Variants in GRM1 observed in about 807,000 individuals in gnomAD.
GRM1 encodes the protein glutamate metabotropic receptor 1.
A neutral mutation model predicts 90.9 loss-of-function variants in GRM1; 33 were observed. That is an observed-to-expected ratio of 0.36 (90% CI 0.28 to 0.49). The LOEUF (loss-of-function observed/expected upper bound fraction) is 0.49. Among genes scored for constraint, GRM1 ranks in the 20% least tolerant of loss-of-function variants. GRM1 has a pLI of 0.99. For synonymous variants in GRM1, 700 were observed against 613.2 expected, an observed-to-expected ratio of 1.14 and a Z score of -2.09; for missense variants, 1,190 against 1,534.3, an observed-to-expected ratio of 0.78 and a Z score of 3.75.
At chr6:146,155,313 C>T (rs1260049369) in intron 1 of GRM1, among the ~76,000 whole-genome samples, 2 of 152,140 alleles carry the variant, frequency 1.3e-5, no homozygotes, top group Non-Finnish European at 2.9e-5. Context: ...CAAATACTTA[C>T]CACTGTCTTA....
At chr6:146,042,253 C>CA (rs1791140540) in intron 1 of GRM1, among the ~76,000 whole-genome samples, 1 of 151,932 alleles carries the variant, frequency 6.6e-6, no homozygotes, top group African/African-American at 2.4e-5. Context: ...AGTAGTGTGT[C>CA]AGTTTATAAA....
chr6:146,031,013 A>C (rs1309416981), intron 1 of GRM1, among the ~76,000 whole-genome samples: 1 of 152,194 alleles, frequency 6.6e-6, no homozygotes, highest in African/African-American at 2.4e-5. Context: ...CAGTTATAAA[A>C]TACTAATGAA....
At chr6:146,262,941 T>C (rs561559267) in intron 2 of GRM1, among the ~76,000 whole-genome samples, 13 of 152,080 alleles carry the variant, frequency 8.5e-5, no homozygotes, top group African/African-American at 3.1e-4. Flanking sequence ...TTATCAAAGA[T>C]TCAAACAGCC....
intron 2 of GRM1, among the ~76,000 whole-genome samples, chr6:146,295,847 C>A (rs1052085805): frequency 6.6e-6 from 1 of 151,908 alleles, no homozygotes; most frequent in African/African-American, 2.4e-5. Flanking sequence ...AAGCCTAGTA[C>A]CCAATTGTTA....
At chr6:146,067,857 A>G (rs1775899232) in intron 1 of GRM1, among the ~76,000 whole-genome samples, 1 of 152,192 alleles carries the variant, frequency 6.6e-6, no homozygotes, top group African/African-American at 2.4e-5. Context: ...ATAAGTTTAT[A>G]TTGTGACGTG....
chr6:146,354,492 G>A (rs1785516234), intron 4 of GRM1, among the ~76,000 whole-genome samples: 2 of 152,088 alleles, frequency 1.3e-5, no homozygotes, highest in African/African-American at 2.4e-5. Context: ...TAAAATGTCG[G>A]TGCATAATTT....
At chr6:146,415,309 A>G (rs1777740162) in intron 7 of GRM1, among the ~76,000 whole-genome samples, 1 of 152,196 alleles carries the variant, frequency 6.6e-6, no homozygotes, top group African/African-American at 2.4e-5. Flanking sequence ...TTGCCTCCCA[A>G]GTGCCCCACT....
Position 146,162,555 on chromosome 6 carries a change from A to G in GRM1, c.950+2958A>G, listed in dbSNP as rs145726013. ...GACCTCTTGGCCATCTAGTCTTAAC[A>G]TAGAAGGCAAAGTGATCTTCTAAGA... On this transcript the variant is annotated intron_variant, in intron 2 of 7. Coordinates refer to ENST00000282753, the MANE Select transcript of GRM1 (RefSeq NM_001278064.2). Among the ~76,000 whole-genome samples, 100 of 152,310 alleles carry G rather than the reference A, an allele frequency of 6.6e-4. 1 individual carries two copies. In the East Asian group the frequency reaches 0.016, roughly 24 times the overall value.
At chr6:146,305,702 G>A (rs1783555456) in intron 3 of GRM1, among the ~76,000 whole-genome samples, 2 of 152,262 alleles carry the variant, frequency 1.3e-5, no homozygotes, top group South Asian at 2.1e-4. Context: ...AATTTGTATT[G>A]TAGAACAGTG....
chr6:146,058,646 C>T (rs915118446), intron 1 of GRM1, among the ~76,000 whole-genome samples: 1 of 152,214 alleles, frequency 6.6e-6, no homozygotes, highest in African/African-American at 2.4e-5. Flanking sequence ...TTTTCATTAA[C>T]GACTTCTCTG....
In GRM1 at chr6:146,436,143, T is replaced by A. The variant is rs1156455683; in HGVS notation, c.*1347T>A. On this transcript the variant is annotated 3_prime_UTR_variant, in exon 8 of 8. Coordinates refer to ENST00000282753, the MANE Select transcript of GRM1 (RefSeq NM_001278064.2). ...TGTCTTTTGAATATACTATATATAT[T>A]TTTTATGTTCCAATAATGTTTTGTA... 2 of 152,492 alleles carry A rather than the reference T, an allele frequency of 1.3e-5. No homozygotes were observed. The highest frequency in any genetic ancestry group is 4.8e-5 in the African/African-American group (2 of 41,462). The allele number at this position is 152,492 out of a possible 1,614,324, so 9.4% of individuals were successfully genotyped here.
chr6:146,258,842 A>G (rs1052713153), intron 2 of GRM1, among the ~76,000 whole-genome samples: 2 of 152,178 alleles, frequency 1.3e-5, no homozygotes, highest in Non-Finnish European at 2.9e-5. Context: ...CATGCAAGAC[A>G]CTAAATCCAC....
rs112454755 is a variant in GRM1 at position 146,343,972 on chromosome 6, C to T, written c.1187-8278C>T. ...TACTGCTATTGGAGTGTTGTTGATT[C>T]GGTGAAAAGAGCTAGGTATATACGT... On this transcript the variant is annotated intron_variant, in intron 3 of 7. Transcript: ENST00000282753. 5.3e-5 allele frequency among the ~76,000 whole-genome samples: 8 copies of T among 152,046 alleles called. No homozygotes were observed. The East Asian group carries it at 5.8e-4, about 11-fold the overall frequency.
chr6:146,086,722 T>C (rs1387873986), intron 1 of GRM1, among the ~76,000 whole-genome samples: 2 of 152,106 alleles, frequency 1.3e-5, no homozygotes. Context: ...GTCTGTCTTC[T>C]GGGACAACTG....
chr6:146,429,112 A>G (rs776473722), intron 7 of GRM1, among the ~76,000 whole-genome samples: 1 of 152,184 alleles, frequency 6.6e-6, no homozygotes, highest in Non-Finnish European at 1.5e-5. Context: ...CTGCATACTT[A>G]GACTTTGTGA....
intron 2 of GRM1, among the ~76,000 whole-genome samples, chr6:146,193,224 G>A (rs182374271): frequency 1.3e-5 from 2 of 152,224 alleles, no homozygotes; most frequent in African/African-American, 4.8e-5. Context: ...AAATTCAAAG[G>A]TGAGCTCTGG....
chr6:146,176,057 TG>T, intron 2 of GRM1, among the ~76,000 whole-genome samples: 1 of 152,218 alleles, frequency 6.6e-6, no homozygotes, highest in Admixed American at 6.5e-5. Context: ...GGCACAGTTT[TG>T]TTTAGCTAGC....
intron 5 of GRM1, among the ~76,000 whole-genome samples, chr6:146,375,707 C>T (rs951495327): frequency 4.0e-5 from 6 of 151,758 alleles, no homozygotes; most frequent in South Asian, 4.2e-4. Context: ...TATATGAGAC[C>T]GATGCTCTTT....
At chr6:146,300,290 T>C (rs2114913201) in intron 2 of GRM1, among the ~76,000 whole-genome samples, 1 of 152,382 alleles carries the variant, frequency 6.6e-6, no homozygotes, top group African/African-American at 2.4e-5. Flanking sequence ...TTCTGTTTTT[T>C]ACTGTCAGTT....
Sources: allele counts gnomAD v4.1 joint callset (sites outside exome capture counted in the v4.1 genomes callset), GRCh38; gene constraint gnomAD v4.1.1; transcripts MANE v1.5; gene names NCBI Gene and HGNC (gene_info 2026-07-23, HGNC 2026-07-21).